CADM1: variants seen among roughly 807,000 people sequenced by gnomAD.
CADM1 encodes the protein cell adhesion molecule 1.
CADM1 carries 15 observed loss-of-function variants against 53.1 expected under a neutral mutation model. That is an observed-to-expected ratio of 0.28 (90% CI 0.19 to 0.44). CADM1 has a LOEUF of 0.44. Among genes scored for constraint, CADM1 ranks in the 20% least tolerant of loss-of-function variants. CADM1 has a pLI of 1.00. For synonymous variants in CADM1, 281 were observed against 243.0 expected (o/e 1.16, Z -1.45); for missense variants, 434 against 611.3 (o/e 0.71, Z 3.06).
intron 1 of CADM1, among the ~76,000 whole-genome samples, chr11:115,267,450 C>G (rs1943173638): frequency 6.6e-6 from 1 of 152,192 alleles, no homozygotes; most frequent in Non-Finnish European, 1.5e-5. Flanking sequence ...TATTTACTTA[C>G]ATATTCAGTT....
At chr11:115,401,649 T>G (rs922563494) in intron 1 of CADM1, among the ~76,000 whole-genome samples, 2 of 152,160 alleles carry the variant, frequency 1.3e-5, no homozygotes, top group Admixed American at 1.3e-4. Context: ...GCCAGGGATA[T>G]AAGGGAAGAA....
chr11:115,414,465 T>C (rs1947540674), intron 1 of CADM1, among the ~76,000 whole-genome samples: 1 of 151,938 alleles, frequency 6.6e-6, no homozygotes, highest in African/African-American at 2.4e-5. Flanking sequence ...CTATACCACA[T>C]ATACAAAGAA....
chr11:115,364,970 T>C (rs1323814700), intron 1 of CADM1, among the ~76,000 whole-genome samples: 2 of 152,238 alleles, frequency 1.3e-5, no homozygotes, highest in African/African-American at 4.8e-5. Context: ...CATTTTCACC[T>C]GTAGCTATTT....
chr11:115,316,404 A>G (rs1944667682), intron 1 of CADM1, among the ~76,000 whole-genome samples: 1 of 152,116 alleles, frequency 6.6e-6, no homozygotes, highest in South Asian at 2.1e-4. Context: ...GATAGTTTTC[A>G]TTCTTTCCAC....
intron 1 of CADM1, among the ~76,000 whole-genome samples, chr11:115,334,897 T>C (rs1565371608): frequency 6.6e-6 from 1 of 152,146 alleles, no homozygotes; most frequent in Non-Finnish European, 1.5e-5. Context: ...TTTAGAAATA[T>C]GCATTTAATT....
chr11:115,380,071 T>C (rs1395999811), intron 1 of CADM1, among the ~76,000 whole-genome samples: 1 of 152,174 alleles, frequency 6.6e-6, no homozygotes, highest in African/African-American at 2.4e-5. Context: ...TCCTAGGGTT[T>C]ACAGCCCCTT....
intron 1 of CADM1, among the ~76,000 whole-genome samples, chr11:115,340,659 T>TATATATATATATATA (rs1555069295): frequency 1.2e-4 from 2 of 16,508 alleles, no homozygotes; most frequent in African/African-American, 4.1e-4. Context: ...TATATATATA[T>TATATATATATATATA]TTTTTTTTTT....
At chr11:115,441,151 G>A (rs1364009369) in intron 1 of CADM1, among the ~76,000 whole-genome samples, 4 of 151,654 alleles carry the variant, frequency 2.6e-5, no homozygotes, top group Non-Finnish European at 2.9e-5. Context: ...AACTAATGAC[G>A]AGGGCCAAAG....
intron 10 of CADM1, among the ~76,000 whole-genome samples, chr11:115,188,055 T>C (rs1366701077): frequency 6.6e-6 from 1 of 152,216 alleles, no homozygotes; most frequent in East Asian, 1.9e-4. Context: ...GAGGGCCATT[T>C]TCTGGCACAC....
chr11:115,290,793 C>G (rs1943875320), intron 1 of CADM1, among the ~76,000 whole-genome samples: 1 of 152,174 alleles, frequency 6.6e-6, no homozygotes, highest in African/African-American at 2.4e-5. Context: ...GGAAAGTAAG[C>G]TATTTCAACT....
At chr11:115,422,428 G>T (rs1305366900) in intron 1 of CADM1, among the ~76,000 whole-genome samples, 1 of 152,084 alleles carries the variant, frequency 6.6e-6, no homozygotes, top group Non-Finnish European at 1.5e-5. Context: ...AAAATAAAAG[G>T]CTCCATCTTC....
chr11:115,239,447 C>T (rs572237151), intron 2 of CADM1, among the ~76,000 whole-genome samples: 1 of 152,286 alleles, frequency 6.6e-6, no homozygotes, highest in South Asian at 2.1e-4. Flanking sequence ...ATGTGGGCCT[C>T]TTATTTAGTT....
At chr11:115,317,708 C>T (rs1333323474) in intron 1 of CADM1, among the ~76,000 whole-genome samples, 2 of 152,194 alleles carry the variant, frequency 1.3e-5, no homozygotes, top group Admixed American at 6.5e-5. Context: ...AATCATCTGG[C>T]ATGAAGCTGC....
intron 5 of CADM1, among the ~76,000 whole-genome samples, chr11:115,226,396 T>C (rs959004218): frequency 2.0e-5 from 3 of 152,166 alleles, no homozygotes; most frequent in African/African-American, 7.2e-5. Context: ...ATATGGTGAA[T>C]ATGTGATTGT....
chr11:115,268,802 G>C (rs1041152392), intron 1 of CADM1, among the ~76,000 whole-genome samples: 32 of 152,168 alleles, frequency 2.1e-4, no homozygotes, highest in Admixed American at 2.1e-3. Context: ...TCAGTTACCA[G>C]TGATAAGGTT....
chr11:115,183,934 G>C (rs1039287356), intron 10 of CADM1, among the ~76,000 whole-genome samples: 2 of 152,136 alleles, frequency 1.3e-5, no homozygotes, highest in African/African-American at 2.4e-5. Flanking sequence ...GAATTGTTGC[G>C]GACTTTTTTG....
intron 5 of CADM1, among the ~76,000 whole-genome samples, chr11:115,222,643 T>C (rs1188044687): frequency 6.6e-6 from 1 of 152,176 alleles, no homozygotes; most frequent in Non-Finnish European, 1.5e-5. Context: ...GCTGAACGAT[T>C]GTGAGTGGGA....
intron 10 of CADM1, among the ~76,000 whole-genome samples, chr11:115,189,412 C>G (rs2134635867): frequency 6.6e-6 from 1 of 152,254 alleles, no homozygotes; most frequent in East Asian, 1.9e-4. Context: ...ACACACCCAC[C>G]AGCTTTCTTA....
At chr11:115,502,327 C>CTTTTTTT (rs11358670) in intron 1 of CADM1, among the ~76,000 whole-genome samples, 13 of 52,378 alleles carry the variant, frequency 2.5e-4, no homozygotes, top group African/African-American at 8.8e-4. Flanking sequence ...CGCCCCCCGG[C>CTTTTTTT]TTTTTTTTTT....
Sources: allele counts gnomAD v4.1 joint callset (sites outside exome capture counted in the v4.1 genomes callset), GRCh38; gene constraint gnomAD v4.1.1; transcripts MANE v1.5; gene names NCBI Gene and HGNC (gene_info 2026-07-23, HGNC 2026-07-21).